CNOT10: variants seen among roughly 807,000 people sequenced by gnomAD.
The protein encoded by CNOT10 is CCR4-NOT transcription complex, subunit 10.
In CNOT10, 30 loss-of-function variants were observed where a neutral mutation model predicts 94.6. The ratio of observed to expected loss-of-function variants is 0.32; its 90% CI spans 0.24 to 0.43. CNOT10 has a LOEUF of 0.43. Ranked by LOEUF, CNOT10 falls within the 20% of genes least tolerant of loss-of-function variation. The pLI is 1.00. For synonymous variants in CNOT10, 289 were observed against 301.6 expected, an observed-to-expected ratio of 0.96 and a Z score of 0.43; for missense variants, 759 against 877.2, an observed-to-expected ratio of 0.87 and a Z score of 1.70.
Position 32,739,095 on chromosome 3 carries a change from G to A in CNOT10, c.1595+1605G>A, listed in dbSNP as rs192048982. On this transcript the variant is annotated intron_variant, in intron 13 of 18. Transcript: ENST00000328834. ...AAATTTTTGTGTTTTTAGTAGAGAC[G>A]GGGTTTTACCATGTTAGCCAGGCTG... 1.5e-4 allele frequency among the ~76,000 whole-genome samples: 23 copies of A among 151,396 alleles called. No individual in the cohort carries two copies. In the East Asian group the frequency reaches 2.4e-3, roughly 16 times the overall value.
At chr3:32,739,832 G>A (rs1699376532) in intron 13 of CNOT10, among the ~76,000 whole-genome samples, 3 of 152,144 alleles carry the variant, frequency 2.0e-5, no homozygotes, top group African/African-American at 7.2e-5. Flanking sequence ...GGCTGAGGCT[G>A]GAGAATCACT....
intron 1 of CNOT10, among the ~76,000 whole-genome samples, chr3:32,703,159 T>C (rs558060066): frequency 1.5e-4 from 22 of 151,196 alleles, no homozygotes; most frequent in Admixed American, 4.0e-4. Flanking sequence ...CTCCTGACCT[T>C]GTGATGTGCC....
At chr3:32,705,540 G>T (rs1375840194) in intron 3 of CNOT10, among the ~76,000 whole-genome samples, 1 of 152,150 alleles carries the variant, frequency 6.6e-6, no homozygotes, top group Non-Finnish European at 1.5e-5. Context: ...CCAAGCGCTT[G>T]TATGCAACTT....
At chr3:32,727,320 TAAA>T (rs993894699) in intron 9 of CNOT10, among the ~76,000 whole-genome samples, 15 of 151,422 alleles carry the variant, frequency 9.9e-5, no homozygotes, top group African/African-American at 3.4e-4. Flanking sequence ...AAAATAAAAA[TAAA>T]AAATAAAAGA....
chr3:32,704,888 G>A lies in CNOT10; in HGVS notation c.195G>A (p.Leu65=). The stretch of plus-strand genomic sequence containing the variant: ...ACAAAGATGATTATAAAATAATTTT[G>A]AATACAGCAGTAGCTGAGTTTTTTA... The part of the protein sequence containing the change: ...DINKDDYKII[L]NTAVAEFFKS... Residue 65 remains leucine (L), a synonymous_variant, in exon 3 of 19, where the codon TTG becomes TTA. Coordinates refer to ENST00000328834, the MANE Select transcript of CNOT10 (RefSeq NM_015442.3). 5 of 1,569,496 alleles carry A rather than the reference G, an allele frequency of 3.2e-6. No individual in the cohort carries two copies. Among genetic ancestry groups the A allele is most frequent in the African/African-American group, 1.4e-5 (1 of 71,556 alleles).
chr3:32,716,089 G>C (rs1698105913), intron 5 of CNOT10, 136 bp from the exon 6 acceptor site: 1 of 501,304 alleles, frequency 2.0e-6, no homozygotes, highest in African/African-American at 2.0e-5. Flanking sequence ...TTACAGGCAT[G>C]AACCACCATT....
intron 1 of CNOT10, among the ~76,000 whole-genome samples, chr3:32,699,040 C>T (rs998039422): frequency 1.3e-5 from 2 of 152,162 alleles, no homozygotes; most frequent in African/African-American, 2.4e-5. Context: ...CCCGCGTTGG[C>T]CTCCCAAAAT....
chr3:32,726,693 CCATAATAATAAT>C (rs1441961087), intron 9 of CNOT10, among the ~76,000 whole-genome samples: 1 of 82,862 alleles, frequency 1.2e-5, no homozygotes, highest in Non-Finnish European at 3.0e-5. Flanking sequence ...GAGACTCTGT[CCATAATAATAAT>C]AATAATAATA....
chr3:32,724,663 C>T (rs536747717), intron 8 of CNOT10, among the ~76,000 whole-genome samples: 1 of 152,266 alleles, frequency 6.6e-6, no homozygotes, highest in Non-Finnish European at 1.5e-5. Context: ...CCGCCCACCT[C>T]GGCCTCCCAA....
chr3:32,764,578 T>C, intron 16 of CNOT10, 88 bp downstream of exon 16: 9 of 1,603,064 alleles, frequency 5.6e-6, no homozygotes, highest in Middle Eastern at 1.7e-4. Context: ...TTTTTCTGCC[T>C]GAGGAATACT....
At chr3:32,735,772 C>A (rs1372940402) in intron 12 of CNOT10, among the ~76,000 whole-genome samples, 1 of 152,064 alleles carries the variant, frequency 6.6e-6, no homozygotes, top group African/African-American at 2.4e-5. Context: ...TTCTTATTAT[C>A]CTCTGTCTAT....
chr3:32,724,304 G>C (rs944061665), intron 8 of CNOT10, among the ~76,000 whole-genome samples: 2 of 145,146 alleles, frequency 1.4e-5, no homozygotes, highest in Non-Finnish European at 3.0e-5. Context: ...GGAATGCAGT[G>C]GTGCGATCTC....
intron 4 of CNOT10, among the ~76,000 whole-genome samples, chr3:32,711,506 G>A (rs1221661975): frequency 6.6e-6 from 1 of 152,058 alleles, no homozygotes; most frequent in Non-Finnish European, 1.5e-5. Flanking sequence ...GTGGGTGCAG[G>A]TCAGATACAG....
chr3:32,737,394 C>CT lies in CNOT10; in HGVS notation c.1515-14dup, dbSNP rs1699236861. On this transcript the variant is annotated splice_polypyrimidine_tract_variant and intron_variant, in intron 12 of 18. Transcript: ENST00000328834. ...TTTGTTGCTCTTCATAATTAAGACT[C>CT]TTACCTCTATTTTAGCAGTAAAAGC... is the stretch of plus-strand genomic sequence containing the variant. 4 of 1,556,514 alleles carry CT rather than the reference C, an allele frequency of 2.6e-6. No homozygotes were observed. Among genetic ancestry groups the CT allele is most frequent in the Middle Eastern group, 1.7e-4 (1 of 5,942 alleles).
intron 13 of CNOT10, among the ~76,000 whole-genome samples, chr3:32,759,081 T>C (rs1700328771): frequency 6.6e-6 from 1 of 152,054 alleles, no homozygotes; most frequent in African/African-American, 2.4e-5. Flanking sequence ...CCTAGGTTAT[T>C]AAAAGCAAAC....
intron 5 of CNOT10, among the ~76,000 whole-genome samples, chr3:32,714,743 C>T (rs1698047334): frequency 6.6e-6 from 1 of 152,128 alleles, no homozygotes; most frequent in East Asian, 1.9e-4. Flanking sequence ...GATGTTTAAG[C>T]TTCACCATGT....
chr3:32,737,747 C>T lies in CNOT10; in HGVS notation c.1595+257C>T, dbSNP rs551095564. Reference sequence around the variant, plus strand: ...CTGAGGCAGGAGAATTGCTTGAACCCGGGAGGCGGAGGTTGCAGTGAGTGT... The same window carrying T: ...CTGAGGCAGGAGAATTGCTTGAACCTGGGAGGCGGAGGTTGCAGTGAGTGT... On this transcript the variant is annotated intron_variant, in intron 13 of 18. Coordinates refer to ENST00000328834, the MANE Select transcript of CNOT10 (RefSeq NM_015442.3). Among the ~76,000 whole-genome samples the T allele has an allele frequency of 5.3e-5, 8 of 151,884 alleles. No homozygotes were observed. The East Asian group carries it at 1.2e-3, about 22-fold the overall frequency.
intron 12 of CNOT10, among the ~76,000 whole-genome samples, chr3:32,736,792 G>A (rs974527387): frequency 6.6e-6 from 1 of 152,050 alleles, no homozygotes; most frequent in African/African-American, 2.4e-5. Flanking sequence ...AAAAGGCAGG[G>A]GTTGAGGGGT....
Position 32,713,327 on chromosome 3 carries a change from A to G in CNOT10, c.531A>G (p.Lys177=). 1 of 1,605,280 alleles carries G rather than the reference A, an allele frequency of 6.2e-7. No individual in the cohort carries two copies. Among genetic ancestry groups the G allele is most frequent in the Non-Finnish European group, 8.5e-7 (1 of 1,177,798 alleles). Reference sequence around the variant, plus strand: ...TGCATCTTCTTGCTGTCCTAGAAAAAATGATTTCACAGGGTAACAATAACA... The same window carrying G: ...TGCATCTTCTTGCTGTCCTAGAAAAGATGATTTCACAGGGTAACAATAACA... ...KALHLLAVLE[K]MISQGNNNKN... is the part of the protein sequence containing the mutation. The change falls in exon 5 of 19, where the codon AAA becomes AAG. Residue 177 remains lysine, a synonymous_variant. Transcript: ENST00000328834.
Sources: gnomAD v4.1 joint callset for allele counts (sites outside exome capture counted in the v4.1 genomes callset) on GRCh38, gnomAD v4.1.1 for gene constraint, MANE v1.5 for transcripts, NCBI Gene and HGNC (gene_info 2026-07-23, HGNC 2026-07-21) for gene names.